The following LEPR variants were observed in gnomAD, a reference collection of about 807,000 sequenced individuals.
LEPR encodes OB receptor.
A neutral mutation model predicts 114.7 loss-of-function variants in LEPR; 56 were observed. The observed-to-expected ratio is 0.49, with a 90% CI of 0.39 to 0.61. LEPR has a LOEUF of 0.61. Among genes scored for constraint, LEPR ranks in the 20% least tolerant of loss-of-function variants. The pLI is 0.00. For missense variants in LEPR, 1,202 were observed against 1,352.9 expected (o/e 0.89, Z 1.75); for synonymous variants, 443 against 461.4 (o/e 0.96, Z 0.51).
At chr1:65,544,524 T>C (rs1651498898) in intron 2 of LEPR, among the ~76,000 whole-genome samples, 1 of 152,002 alleles carries the variant, frequency 6.6e-6, no homozygotes, top group South Asian at 2.1e-4. Context: ...TGTGCCAGTT[T>C]TCAAAGGGAA....
intron 4 of LEPR, 43 bp downstream of exon 4, chr1:65,570,845 T>C: frequency 6.8e-7 from 1 of 1,464,590 alleles, no homozygotes; most frequent in Non-Finnish European, 9.1e-7. Flanking sequence ...CAATGTTTTT[T>C]AATTCTTTGA....
At chr1:65,509,580 C>T (rs1244676929) in intron 2 of LEPR, among the ~76,000 whole-genome samples, 1 of 152,046 alleles carries the variant, frequency 6.6e-6, no homozygotes, top group Non-Finnish European at 1.5e-5. Context: ...GGATAGGGTA[C>T]AAGAAACAGG....
intron 2 of LEPR, among the ~76,000 whole-genome samples, chr1:65,440,831 T>C (rs765694018): frequency 6.6e-6 from 1 of 152,220 alleles, no homozygotes; most frequent in Non-Finnish European, 1.5e-5. Context: ...TTCGGATTGC[T>C]CTAGCTGTGT....
At chr1:65,620,060 G>A in intron 17 of LEPR, 37 bp downstream of exon 17, 1 of 1,472,522 alleles carries the variant, frequency 6.8e-7, no homozygotes, top group Non-Finnish European at 9.5e-7. Flanking sequence ...TTACACCAAT[G>A]TGTGTGCCTA....
intron 15 of LEPR, among the ~76,000 whole-genome samples, chr1:65,617,053 T>C (rs1657571421): frequency 6.6e-6 from 1 of 152,212 alleles, no homozygotes; most frequent in Non-Finnish European, 1.5e-5. Context: ...CTCAGTGTTT[T>C]ATGCTTAACA....
intron 2 of LEPR, among the ~76,000 whole-genome samples, chr1:65,561,646 G>A (rs1356128923): frequency 2.7e-5 from 1 of 37,198 alleles, no homozygotes; most frequent in East Asian, 2.7e-4. Flanking sequence ...TGTGATGTTA[G>A]GGTGTCAATT....
At chr1:65,534,778 A>G (rs1325272681) in intron 2 of LEPR, among the ~76,000 whole-genome samples, 1 of 152,154 alleles carries the variant, frequency 6.6e-6, no homozygotes, top group East Asian at 1.9e-4. Flanking sequence ...TCACTAGATA[A>G]CAGCTGAAAG....
chr1:65,468,643 T>C (rs1197370115), intron 2 of LEPR, among the ~76,000 whole-genome samples: 2 of 152,146 alleles, frequency 1.3e-5, no homozygotes, highest in Admixed American at 6.5e-5. Context: ...CAAGTTATGG[T>C]GTTCAGTTTG....
At chr1:65,590,895 T>C (rs1655650201) in intron 5 of LEPR, among the ~76,000 whole-genome samples, 1 of 144,628 alleles carries the variant, frequency 6.9e-6, no homozygotes, top group Admixed American at 6.8e-5. Flanking sequence ...TTTTTTTTTT[T>C]TCCTAGTTTG....
intron 2 of LEPR, among the ~76,000 whole-genome samples, chr1:65,534,388 T>C (rs545409766): frequency 6.6e-6 from 1 of 152,266 alleles, no homozygotes; most frequent in East Asian, 1.9e-4. Flanking sequence ...TACTTTAACT[T>C]CATTTAATAC....
At chr1:65,431,571 A>G (rs1004838828) in intron 2 of LEPR, among the ~76,000 whole-genome samples, 3 of 152,238 alleles carry the variant, frequency 2.0e-5, no homozygotes, top group Non-Finnish European at 4.4e-5. Flanking sequence ...CAAGTAGAGA[A>G]ATATGTCTAA....
chr1:65,429,316 AGT>A (rs372884450), intron 2 of LEPR, among the ~76,000 whole-genome samples: 1 of 152,178 alleles, frequency 6.6e-6, no homozygotes, highest in African/African-American at 2.4e-5. Context: ...TGAGCTCAAG[AGT>A]GTTCAAGGGA....
At chr1:65,630,410 T>TTAA (rs1553174137) in intron 19 of LEPR, 1 of 105,588 alleles carries the variant, frequency 9.5e-6, no homozygotes, top group Non-Finnish European at 2.0e-5. Context: ...GAATGATCAA[T>TTAA]AAAAAAAAAA....
chr1:65,600,625 A>G (rs568528026), intron 8 of LEPR, among the ~76,000 whole-genome samples: 5 of 152,104 alleles, frequency 3.3e-5, no homozygotes, highest in Non-Finnish European at 7.4e-5. Flanking sequence ...CTTCCTATGT[A>G]AACCATCATT....
chr1:65,518,887 T>A (rs1202045635), intron 2 of LEPR, among the ~76,000 whole-genome samples: 22 of 83,986 alleles, frequency 2.6e-4, no homozygotes, highest in Non-Finnish European at 5.7e-5. Flanking sequence ...CTTTCTTTCT[T>A]TCTTTCTTTC....
In LEPR at chr1:65,631,777, G is replaced by T. The variant is rs1218301747; in HGVS notation, c.2674-4414G>T. ...CCAATTCAAATTTTAGAGTGTAAAA[G>T]AACTATTACCTTTCTTACTTTGTTT... is the stretch of plus-strand genomic sequence containing the variant. On this transcript the variant is annotated intron_variant, in intron 19 of 19. Coordinates refer to ENST00000349533, the MANE Select transcript of LEPR (RefSeq NM_002303.6). 2.6e-5 allele frequency among the ~76,000 whole-genome samples: 4 copies of T among 152,234 alleles called. No individual in the cohort carries two copies. The East Asian group carries it at 7.7e-4, about 29-fold the overall frequency.
intron 2 of LEPR, among the ~76,000 whole-genome samples, chr1:65,452,595 A>G (rs1646802504): frequency 6.6e-6 from 1 of 151,926 alleles, no homozygotes; most frequent in South Asian, 2.1e-4. Flanking sequence ...TGATTTGCGT[A>G]TATTGAACCA....
At chr1:65,471,115 C>T (rs1647077891) in intron 2 of LEPR, among the ~76,000 whole-genome samples, 2 of 152,230 alleles carry the variant, frequency 1.3e-5, no homozygotes, top group African/African-American at 4.8e-5. Context: ...GATAATCAAA[C>T]TTCCCTTGCT....
intron 2 of LEPR, among the ~76,000 whole-genome samples, chr1:65,511,451 C>T (rs964989743): frequency 1.5e-4 from 23 of 151,838 alleles, no homozygotes; most frequent in African/African-American, 4.6e-4. Context: ...CACACACACA[C>T]ACACACACAC....
Sources: allele counts gnomAD v4.1 joint callset (sites outside exome capture counted in the v4.1 genomes callset), GRCh38; gene constraint gnomAD v4.1.1; transcripts MANE v1.5; gene names NCBI Gene and HGNC (gene_info 2026-07-23, HGNC 2026-07-21).